The following TTC39A variants were observed in gnomAD, a reference collection of about 807,000 sequenced individuals.
TTC39A encodes the protein tetratricopeptide repeat protein 39A.
Under a neutral mutation model 82.3 loss-of-function variants are expected in TTC39A, and 46 were observed. The ratio of observed to expected loss-of-function variants is 0.56; its 90% CI spans 0.44 to 0.71. The LOEUF (loss-of-function observed/expected upper bound fraction) is 0.71. Among genes scored for constraint, TTC39A ranks in the 30% least tolerant of loss-of-function variants. The pLI is 0.00. For synonymous variants in TTC39A, 254 were observed against 275.2 expected, an observed-to-expected ratio of 0.92 and a Z score of 0.76; for missense variants, 543 against 712.9, an observed-to-expected ratio of 0.76 and a Z score of 2.71.
chr1:51,302,395 C>A lies in TTC39A; in HGVS notation c.853G>T (p.Ala285Ser). The A allele has an allele frequency of 6.2e-7, 1 of 1,609,758 alleles. No individual in the cohort carries two copies. Among genetic ancestry groups the A allele is most frequent in the Non-Finnish European group, 8.5e-7 (1 of 1,177,998 alleles). The stretch of plus-strand genomic sequence containing the variant: ...CCTTTAATGACTTCAATCCTCCCTG[C>A]AAAGAACAGGAAGATGGCACCCTGC... Reference protein sequence around the residue: ...YPKGAIFLFFAGRIEVIKGNI... With the variant: ...YPKGAIFLFFSGRIEVIKGNI... Residue 285 changes from alanine (A) to serine (S), a missense_variant, in exon 11 of 18, where the codon GCA (alanine) becomes TCA (serine). Transcript: ENST00000680483.
chr1:51,331,493 TC>T, upstream of TTC39A: 1 of 1,326,480 alleles, frequency 7.5e-7, no homozygotes, highest in Admixed American at 3.1e-5. Flanking sequence ...GGACTGTAGC[TC>T]CCCTGGAGCA....
At chr1:51,335,481 A>T (rs1320696902), upstream of TTC39A, among the ~76,000 whole-genome samples, 1 of 151,370 alleles carries the variant, frequency 6.6e-6, no homozygotes, top group Non-Finnish European at 1.5e-5. Flanking sequence ...GAATCACTTG[A>T]ACCCGGGAGG....
chr1:51,298,947 G>C (rs1644546031), intron 12 of TTC39A: 1 of 152,288 alleles, frequency 6.6e-6, no homozygotes, highest in Admixed American at 6.5e-5. Context: ...CCAGCACTGG[G>C]GGAAACACAA....
intron 1 of TTC39A, among the ~76,000 whole-genome samples, chr1:51,339,208 A>C (rs1453784364): frequency 1.3e-5 from 2 of 152,108 alleles, no homozygotes; most frequent in African/African-American, 4.8e-5. Flanking sequence ...ATGGGAAGAA[A>C]AGGAGCCAAA....
rs994938843 is a variant in TTC39A at position 51,309,487 on chromosome 1, C to A, written c.424-162G>T. 6.2e-6 allele frequency: 9 copies of A among 1,450,868 alleles called. No individual in the cohort carries two copies. The South Asian group carries it at 1.0e-4, about 17-fold the overall frequency. The allele number at this position is 1,450,868 out of a possible 1,614,324, so 89.9% of individuals were successfully genotyped here. On this transcript the variant is annotated intron_variant, in intron 5 of 17. Coordinates refer to ENST00000680483, the MANE Select transcript of TTC39A (RefSeq NM_001297663.2). ...CAGGCCTCCCTGCTCTTTGGCCCAACAAAACCTCTAAAATGCCCAGGGTTG... is the reference window on the plus strand; with the variant it reads ...CAGGCCTCCCTGCTCTTTGGCCCAAAAAAACCTCTAAAATGCCCAGGGTTG...
intron 1 of TTC39A, among the ~76,000 whole-genome samples, chr1:51,337,173 G>A: frequency 6.6e-6 from 1 of 152,088 alleles, no homozygotes; most frequent in East Asian, 1.9e-4. Flanking sequence ...TATGGCTCAT[G>A]AGGCCCTGCA....
chr1:51,323,283 A>T (rs1228355125), intron 1 of TTC39A, among the ~76,000 whole-genome samples: 1 of 146,908 alleles, frequency 6.8e-6, no homozygotes, highest in Non-Finnish European at 1.5e-5. Context: ...TTCCTTTTTT[A>T]TAAAGAATTT....
In TTC39A at chr1:51,288,914, G is replaced by A. The variant is rs1389620488; in HGVS notation, c.1535C>T (p.Ala512Val). 1.9e-6 allele frequency: 3 copies of A among 1,611,760 alleles called. No individual in the cohort carries two copies. The highest frequency in any genetic ancestry group is 2.5e-6 in the Non-Finnish European group (3 of 1,179,110). The stretch of plus-strand genomic sequence containing the variant: ...AAGCAGCAGGGCCAGCTCCAGCAGG[G>A]CGTTTGGGATCAAGTAGTGGTCATA... Reference protein sequence around the residue: ...IKYDHYLIPNALLELALLLME... With the variant: ...IKYDHYLIPNVLLELALLLME... Residue 512 changes from alanine to valine, a missense_variant, in exon 17 of 18, where the codon GCC becomes GTC. Transcript: ENST00000680483. The surrounding 1 kb of genome is among the most constrained non-coding windows in gnomAD (Gnocchi z 4.8).
intron 2 of TTC39A, among the ~76,000 whole-genome samples, chr1:51,317,771 A>G (rs1645344706): frequency 6.6e-6 from 1 of 152,132 alleles, no homozygotes; most frequent in Non-Finnish European, 1.5e-5. Flanking sequence ...AACAAACAAA[A>G]AGAAAAAAGA....
At chr1:51,330,878 C>T (rs1409454131), upstream of TTC39A, 4 of 576,606 alleles carry the variant, frequency 6.9e-6, no homozygotes, top group African/African-American at 5.6e-5. The surrounding 1 kb of genome is among the most constrained non-coding windows in gnomAD (Gnocchi z 4.5). Context: ...ACAGCTTCCG[C>T]CCCGAAGCGG....
At position 51,330,401 on chromosome 1, in the gene TTC39A, C is replaced by T; in HGVS notation, c.41+36G>A. 1 of 978,054 alleles carries T rather than the reference C, an allele frequency of 1.0e-6. No homozygotes were observed. The highest frequency in any genetic ancestry group is 1.2e-6 in the Non-Finnish European group (1 of 825,846). 60.6% of individuals were successfully genotyped at this position (978,054 alleles called of 1,614,324 possible). On this transcript the variant is annotated intron_variant, in intron 1 of 17. Coordinates refer to ENST00000680483, the MANE Select transcript of TTC39A (RefSeq NM_001297663.2). The surrounding 1 kb of genome is among the most constrained non-coding windows in gnomAD (Gnocchi z 4.5). ...CACCTGCCCGGGCCCCAGCCCGCGC[C>T]GCCCGCGCCCCCGGGCCTCCCAGCC...
At position 51,309,262 on chromosome 1, in the gene TTC39A, T is replaced by A; in HGVS notation, c.487A>T (p.Lys163Ter). Residue 163 changes from lysine (K) to a stop codon, truncating the protein, a stop_gained and splice_region_variant, in exon 6 of 18, where the codon AAG becomes TAG. Coordinates refer to ENST00000680483, the MANE Select transcript of TTC39A (RefSeq NM_001297663.2). LOFTEE classifies it high-confidence loss of function. ...IKVRNSYQTY[K>*]ELDSLVQSSQ... ...AAGCGGATGGCCAGCCCCACTCACT[T>A]GTAGGTCTGGTAGCTGTTTCGAACT... The A allele has an allele frequency of 6.2e-7, 1 of 1,608,658 alleles. No individual in the cohort carries two copies.
intron 2 of TTC39A, among the ~76,000 whole-genome samples, chr1:51,314,989 C>T (rs1645230453): frequency 2.6e-5 from 4 of 152,194 alleles, no homozygotes; most frequent in Admixed American, 2.6e-4. Context: ...GGAGGGGCTT[C>T]CCTGGCAGCA....
rs912668553 is a variant in TTC39A at position 51,340,373 on chromosome 1, C to T, written c.53+4618G>A. ...GGTCCATGAGGGACCTTTCAGTTTT[C>T]AGATCTCAGAGCATGAAAAACAGCA... is the stretch of plus-strand genomic sequence containing the variant. On this transcript the variant is annotated intron_variant, in intron 1 of 5. Coordinates refer to the TTC39A transcript ENST00000401051. Among the ~76,000 whole-genome samples the T allele has an allele frequency of 2.0e-5, 3 of 152,226 alleles. No individual in the cohort carries two copies. The East Asian group carries it at 5.8e-4, about 29-fold the overall frequency.
At chr1:51,332,366 T>C (rs1324584085), upstream of TTC39A, among the ~76,000 whole-genome samples, 1 of 152,260 alleles carries the variant, frequency 6.6e-6, no homozygotes, top group East Asian at 1.9e-4. Context: ...GTTCAAGTGA[T>C]TCTCATCCCA....
chr1:51,327,955 C>T (rs1645772647), intron 1 of TTC39A, among the ~76,000 whole-genome samples: 1 of 152,138 alleles, frequency 6.6e-6, no homozygotes, highest in Non-Finnish European at 1.5e-5. Context: ...CCTGGGCCTC[C>T]CAAAGTGCTG....
chr1:51,326,082 G>A (rs1645704127), intron 1 of TTC39A: 2 of 152,324 alleles, frequency 1.3e-5, no homozygotes, highest in African/African-American at 2.4e-5. Flanking sequence ...GACACAGAGT[G>A]GACACAGACC....
rs762162698 is a variant in TTC39A, at chr1:51,345,079, C to T, written c.-36G>A. 62 of 1,316,386 alleles carry T rather than the reference C, an allele frequency of 4.7e-5. No individual in the cohort carries two copies. The East Asian group carries it at 1.3e-3, about 27-fold the overall frequency. The allele number at this position is 1,316,386 out of a possible 1,614,324, so 81.5% of individuals were successfully genotyped here. A position where few individuals can be genotyped will look rare whatever the true frequency, so the allele number is the denominator to read the frequency against. On this transcript the variant is annotated 5_prime_UTR_variant, in exon 1 of 6. Transcript: ENST00000401051. ...CGGGCTCGGACGGGGCCGCGGGCGGCCCCTCGCGGCGGCGGCGGCGGCCGT... is the reference window on the plus strand; with the variant it reads ...CGGGCTCGGACGGGGCCGCGGGCGGTCCCTCGCGGCGGCGGCGGCGGCCGT...
rs774092856 is a variant in TTC39A, at chr1:51,301,622, T to A, written c.1003A>T (p.Met335Leu). The A allele has an allele frequency of 1.9e-6, 3 of 1,613,628 alleles. No homozygotes were observed. The highest frequency in any genetic ancestry group is 1.7e-5 in the Admixed American group (1 of 59,964). The stretch of plus-strand genomic sequence containing the variant: ...AGCAGGTCGGCGTAGAAGTAGGACA[T>A]CTTCCACTGGCCCTTGTAGGTGAAG... ...WCFTYKGQWK[M>L]SYFYADLLSK... Residue 335 changes from methionine (M) to leucine (L), a missense_variant, in exon 12 of 18, where the codon ATG (methionine) becomes TTG (leucine). Coordinates refer to ENST00000680483, the MANE Select transcript of TTC39A (RefSeq NM_001297663.2).
Sources: gnomAD v4.1 joint callset for allele counts (sites outside exome capture counted in the v4.1 genomes callset) on GRCh38, gnomAD v4.1.1 for gene constraint, Gnocchi (gnomAD v3.1) non-coding constraint, MANE v1.5 for transcripts, NCBI Gene and HGNC (gene_info 2026-07-23, HGNC 2026-07-21) for gene names.